The following SSH2 variants were observed in gnomAD, a reference collection of about 807,000 sequenced individuals.
SSH2 encodes the protein protein phosphatase Slingshot homolog 2.
In SSH2, 37 loss-of-function variants were observed where a neutral mutation model predicts 135.2. The ratio of observed to expected loss-of-function variants is 0.27; its 90% CI spans 0.21 to 0.36. SSH2 has a LOEUF of 0.36. Ranked by LOEUF, SSH2 falls within the 10% of genes least tolerant of loss-of-function variation. The pLI is 1.00. For missense variants in SSH2, 1,408 were observed against 1,765.3 expected, an observed-to-expected ratio of 0.80 and a Z score of 3.63; for synonymous variants, 628 against 646.2, an observed-to-expected ratio of 0.97 and a Z score of 0.43.
chr17:29,902,375 T>C (rs1599167376), intron 1 of SSH2, among the ~76,000 whole-genome samples: 1 of 152,300 alleles, frequency 6.6e-6, no homozygotes, highest in Non-Finnish European at 1.5e-5. Context: ...CCCATCACTA[T>C]GGTAGCCATA....
chr17:29,761,116 G>A (rs1008818270), intron 3 of SSH2: 1 of 1,287,376 alleles, frequency 7.8e-7, no homozygotes. Context: ...CTTTCTGAGC[G>A]TTCGCGGAGG....
chr17:29,651,299 G>A (rs1163841625), intron 12 of SSH2, among the ~76,000 whole-genome samples: 1 of 152,206 alleles, frequency 6.6e-6, no homozygotes, highest in African/African-American at 2.4e-5. Flanking sequence ...CAGATTGTTA[G>A]GCTTTGTGCA....
At chr17:29,713,396 G>T (rs2039511425) in intron 3 of SSH2, among the ~76,000 whole-genome samples, 1 of 152,146 alleles carries the variant, frequency 6.6e-6, no homozygotes. Flanking sequence ...CATCTGAAGA[G>T]AACAAAGGCA....
chr17:29,671,697 T>A (rs897567666), intron 9 of SSH2, among the ~76,000 whole-genome samples: 1 of 152,210 alleles, frequency 6.6e-6, no homozygotes, highest in African/African-American at 2.4e-5. Flanking sequence ...AATTTTATCG[T>A]ATTGAAGTTT....
chr17:29,862,807 T>C (rs915651406), intron 1 of SSH2, among the ~76,000 whole-genome samples: 1 of 152,226 alleles, frequency 6.6e-6, no homozygotes, highest in Non-Finnish European at 1.5e-5. Flanking sequence ...ATAGGCTTGT[T>C]TCTCCTCTCA....
At chr17:29,878,842 T>C (rs1052837317) in intron 1 of SSH2, among the ~76,000 whole-genome samples, 2 of 152,194 alleles carry the variant, frequency 1.3e-5, no homozygotes, top group African/African-American at 4.8e-5. Context: ...ATTGTTTAAT[T>C]TTCTGAGCTA....
At chr17:29,677,622 G>A in intron 7 of SSH2, 51 bp downstream of exon 7, 1 of 1,484,952 alleles carries the variant, frequency 6.7e-7, no homozygotes, top group Non-Finnish European at 9.4e-7. Flanking sequence ...CAGTAAGATG[G>A]AGCCCCACCC....
In SSH2 at chr17:29,749,149, A is replaced by G. The variant is rs531793513; in HGVS notation, c.188+44745T>C. On this transcript the variant is annotated intron_variant, in intron 3 of 15. Coordinates refer to ENST00000540801, the MANE Select transcript of SSH2 (RefSeq NM_001282129.2). ...ATAAATGATCTGTGCCAGAACCTAC[A>G]CCACACAGTATACTCATTTACAACA... 3.3e-5 allele frequency among the ~76,000 whole-genome samples: 5 copies of G among 152,336 alleles called. No individual in the cohort carries two copies. The South Asian group carries it at 8.3e-4, about 25-fold the overall frequency.
In SSH2 at chr17:29,644,277, G is replaced by A. The variant is rs976120001; in HGVS notation, c.1427+3867C>T. Among the ~76,000 whole-genome samples, 4 of 152,286 alleles carry A rather than the reference G, an allele frequency of 2.6e-5. No homozygotes were observed. In the East Asian group the frequency reaches 7.7e-4, roughly 29 times the overall value. ...GGAGACTGGAGGAAAGAGAGTGAGG[G>A]CAAGGTATTTACTCCCCTAGCTCCC... On this transcript the variant is annotated intron_variant, in intron 14 of 15. Coordinates refer to ENST00000540801, the MANE Select transcript of SSH2 (RefSeq NM_001282129.2).
intron 14 of SSH2, among the ~76,000 whole-genome samples, chr17:29,637,311 C>T (rs561876571): frequency 6.6e-6 from 1 of 152,242 alleles, no homozygotes; most frequent in African/African-American, 2.4e-5. Flanking sequence ...GTTGACCAGG[C>T]TGGTCTTGAA....
chr17:29,925,915 T>A (rs1384589966), intron 1 of SSH2, among the ~76,000 whole-genome samples: 2 of 152,122 alleles, frequency 1.3e-5, no homozygotes, highest in African/African-American at 4.8e-5. Context: ...TAAAAAAGTT[T>A]AAAAAAAGAA....
chr17:29,641,612 A>C (rs1268314668), intron 14 of SSH2: 1 of 152,192 alleles, frequency 6.6e-6, no homozygotes, highest in Admixed American at 6.5e-5. Context: ...TTTATTTTTA[A>C]ATATTTTTAA....
intron 1 of SSH2, among the ~76,000 whole-genome samples, chr17:29,856,900 CATAACATAAAAA>C (rs1439481626): frequency 1.3e-5 from 2 of 152,156 alleles, no homozygotes; most frequent in East Asian, 3.8e-4. Context: ...TTAAAAACTA[CATAACATAAAAA>C]ATAACATAAC....
At chr17:29,838,227 T>A (rs1027135804) in intron 2 of SSH2, among the ~76,000 whole-genome samples, 1 of 152,224 alleles carries the variant, frequency 6.6e-6, no homozygotes, top group Admixed American at 6.5e-5. Context: ...AGCACTGACA[T>A]GCCAGCCCCC....
At chr17:29,698,505 AG>A (rs1413214360) in intron 4 of SSH2, among the ~76,000 whole-genome samples, 1 of 152,032 alleles carries the variant, frequency 6.6e-6, no homozygotes, top group East Asian at 1.9e-4. Context: ...TTTTTTCTTG[AG>A]ACAGGGTCTT....
intron 5 of SSH2, among the ~76,000 whole-genome samples, chr17:29,685,379 C>T (rs1267932558): frequency 6.6e-6 from 1 of 151,984 alleles, no homozygotes; most frequent in Non-Finnish European, 1.5e-5. Context: ...TTCTTAAGTA[C>T]CTGGAGTGAA....
chr17:29,922,165 C>G (rs2066987360), intron 1 of SSH2, among the ~76,000 whole-genome samples: 1 of 152,080 alleles, frequency 6.6e-6, no homozygotes, highest in Admixed American at 6.6e-5. Context: ...AGCCTAAAGA[C>G]CAAAGGGAGC....
chr17:29,806,202 T>C (rs1419699103), intron 2 of SSH2, among the ~76,000 whole-genome samples: 1 of 152,192 alleles, frequency 6.6e-6, no homozygotes, highest in Non-Finnish European at 1.5e-5. Context: ...ACCAGAAAAG[T>C]CAACAAAGTC....
chr17:29,679,883 A>G (rs1173856009), intron 6 of SSH2, among the ~76,000 whole-genome samples: 1 of 152,192 alleles, frequency 6.6e-6, no homozygotes, highest in Non-Finnish European at 1.5e-5. Flanking sequence ...TTGAACATCT[A>G]CTATGCCAAA....
Sources: allele counts gnomAD v4.1 joint callset (sites outside exome capture counted in the v4.1 genomes callset), GRCh38; gene constraint gnomAD v4.1.1; transcripts MANE v1.5; gene names NCBI Gene and HGNC (gene_info 2026-07-23, HGNC 2026-07-21).